ARHGAP15: variants seen among roughly 807,000 people sequenced by gnomAD.
ARHGAP15 encodes Rho GTPase activating protein 15.
ARHGAP15 carries 51 observed loss-of-function variants against 63.7 expected under a neutral mutation model. The ratio of observed to expected loss-of-function variants is 0.80; its 90% CI spans 0.64 to 1.01. ARHGAP15 has a LOEUF of 1.01. Among genes scored for constraint, ARHGAP15 ranks in the 50% least tolerant of loss-of-function variants. The pLI is 0.00. For missense variants in ARHGAP15, 560 were observed against 564.6 expected (o/e 0.99, Z 0.08); for synonymous variants, 191 against 193.8 (o/e 0.99, Z 0.12).
chr2:143,412,252 G>A (rs1688479026), intron 6 of ARHGAP15, among the ~76,000 whole-genome samples: 1 of 152,020 alleles, frequency 6.6e-6, no homozygotes, highest in Admixed American at 6.5e-5. Flanking sequence ...ATCTAGAGTA[G>A]TAGAAACAAG....
chr2:143,448,858 A>T (rs1379627524), intron 8 of ARHGAP15, among the ~76,000 whole-genome samples: 1 of 152,052 alleles, frequency 6.6e-6, no homozygotes, highest in Non-Finnish European at 1.5e-5. Flanking sequence ...AAAATTTGAA[A>T]AAAACATTAC....
chr2:143,754,115 T>G (rs746870128), intron 13 of ARHGAP15, among the ~76,000 whole-genome samples: 2 of 152,140 alleles, frequency 1.3e-5, no homozygotes, highest in South Asian at 2.1e-4. Flanking sequence ...AAGACTGTCT[T>G]CCAGATTTTT....
At chr2:143,525,849 A>G (rs1470310790) in intron 10 of ARHGAP15, among the ~76,000 whole-genome samples, 1 of 152,202 alleles carries the variant, frequency 6.6e-6, no homozygotes, top group Non-Finnish European at 1.5e-5. Flanking sequence ...GACAACCAAA[A>G]GAAATCAGAG....
chr2:143,184,643 A>G (rs1240138830), intron 2 of ARHGAP15, among the ~76,000 whole-genome samples: 1 of 151,826 alleles, frequency 6.6e-6, no homozygotes. Context: ...AAAAAAAAAA[A>G]CTAAAAATAA....
chr2:143,737,181 T>C (rs984992159), intron 13 of ARHGAP15, among the ~76,000 whole-genome samples: 1 of 152,250 alleles, frequency 6.6e-6, no homozygotes, highest in African/African-American at 2.4e-5. Context: ...CAATATGTTT[T>C]ACGGAGGAGA....
intron 12 of ARHGAP15, among the ~76,000 whole-genome samples, chr2:143,694,211 A>G (rs1683742391): frequency 6.6e-6 from 1 of 152,162 alleles, no homozygotes; most frequent in Admixed American, 6.6e-5. Context: ...GGGGTGGGGG[A>G]GAAGAATACA....
At chr2:143,711,044 C>T (rs575608502) in intron 13 of ARHGAP15, among the ~76,000 whole-genome samples, 27 of 152,286 alleles carry the variant, frequency 1.8e-4, no homozygotes, top group African/African-American at 6.0e-4. Flanking sequence ...CTCAGCCTGC[C>T]TCCTGTTTTT....
chr2:143,362,686 C>A (rs1238911578), intron 6 of ARHGAP15, among the ~76,000 whole-genome samples: 1 of 152,146 alleles, frequency 6.6e-6, no homozygotes, highest in African/African-American at 2.4e-5. Context: ...AAATCTGTTT[C>A]TCTCTTGTTA....
At chr2:143,640,177 C>T (rs887977036) in intron 12 of ARHGAP15, among the ~76,000 whole-genome samples, 5 of 151,900 alleles carry the variant, frequency 3.3e-5, no homozygotes, top group African/African-American at 4.8e-5. Flanking sequence ...TTTGTAGTTC[C>T]GGCACTAAAT....
At chr2:143,639,293 TC>T (rs1680492103) in intron 12 of ARHGAP15, among the ~76,000 whole-genome samples, 1 of 152,132 alleles carries the variant, frequency 6.6e-6, no homozygotes, top group Non-Finnish European at 1.5e-5. Context: ...ACTTAAGACT[TC>T]CATCTTGACT....
rs369767141 is a variant in ARHGAP15, at chr2:143,407,817, G to A, written c.475-27784G>A. Among the ~76,000 whole-genome samples, 29 of 150,292 alleles carry A rather than the reference G, an allele frequency of 1.9e-4. No individual in the cohort carries two copies. In the East Asian group the frequency reaches 2.0e-3, roughly 10 times the overall value. ...ATTCTTTTGGGCTCTCAGTATGCTC[G>A]TTTTATATTTTTGCCAAATTATCTT... On this transcript the variant is annotated intron_variant, in intron 6 of 13. Transcript: ENST00000295095.
intron 12 of ARHGAP15, among the ~76,000 whole-genome samples, chr2:143,687,820 A>T: frequency 6.6e-6 from 1 of 152,358 alleles, no homozygotes; most frequent in South Asian, 2.1e-4. Flanking sequence ...TTAAAAATGA[A>T]AAAAGAATCC....
chr2:143,293,119 AGTCCCTTT>A (rs1682482681), intron 6 of ARHGAP15, among the ~76,000 whole-genome samples: 3 of 152,062 alleles, frequency 2.0e-5, no homozygotes, highest in Non-Finnish European at 4.4e-5. Context: ...CTTTTGTTAC[AGTCCCTTT>A]GGTATGCATT....
intron 2 of ARHGAP15, among the ~76,000 whole-genome samples, chr2:143,181,909 T>C (rs1387749106): frequency 6.6e-6 from 1 of 152,032 alleles, no homozygotes; most frequent in East Asian, 1.9e-4. Context: ...GTTTTTGACA[T>C]GCTTTCCTCA....
At chr2:143,269,536 C>T (rs1259187715) in intron 6 of ARHGAP15, among the ~76,000 whole-genome samples, 5 of 152,156 alleles carry the variant, frequency 3.3e-5, no homozygotes, top group Non-Finnish European at 7.4e-5. Context: ...AATGAATTCT[C>T]TTTTACCCAA....
chr2:143,560,918 G>A (rs960679281), intron 11 of ARHGAP15, among the ~76,000 whole-genome samples: 1 of 152,226 alleles, frequency 6.6e-6, no homozygotes, highest in African/African-American at 2.4e-5. Context: ...ACAGCTTTCA[G>A]TGACATTTTG....
intron 11 of ARHGAP15, among the ~76,000 whole-genome samples, chr2:143,587,251 C>G (rs1697141719): frequency 1.3e-5 from 2 of 152,136 alleles, no homozygotes; most frequent in African/African-American, 4.8e-5. Context: ...TTTGTGTTGA[C>G]TCTCAGATTC....
chr2:143,370,423 C>T (rs2105355499), intron 6 of ARHGAP15, among the ~76,000 whole-genome samples: 2 of 152,158 alleles, frequency 1.3e-5, no homozygotes, highest in Non-Finnish European at 2.9e-5. Context: ...GGGTGCAGCG[C>T]ACCAGCATGG....
chr2:143,351,263 A>T (rs1158748278), intron 6 of ARHGAP15: 1 of 152,206 alleles, frequency 6.6e-6, no homozygotes, highest in Non-Finnish European at 1.5e-5. Context: ...AGCCGTAAGC[A>T]ATCAACTAAT....
Sources: allele counts gnomAD v4.1 joint callset (sites outside exome capture counted in the v4.1 genomes callset), GRCh38; gene constraint gnomAD v4.1.1; transcripts MANE v1.5; gene names NCBI Gene and HGNC (gene_info 2026-07-23, HGNC 2026-07-21).